RELB: variants seen among roughly 807,000 people sequenced by gnomAD.
RELB encodes transcription factor RelB.
In RELB, 14 loss-of-function variants were observed where a neutral mutation model predicts 55.4. The ratio of observed to expected loss-of-function variants is 0.25; its 90% CI spans 0.17 to 0.40. The LOEUF (loss-of-function observed/expected upper bound fraction) is 0.40. RELB is among the 10% of genes least tolerant of loss of function. The pLI, the probability that RELB is intolerant of heterozygous loss-of-function variation, is 1.00. For missense variants in RELB, 669 were observed against 830.7 expected (o/e 0.81, Z 2.39); for synonymous variants, 409 against 371.3 (o/e 1.10, Z -1.17).
chr19:45,020,325 G>A (rs4803791), intron 4 of RELB, among the ~76,000 whole-genome samples: 43,603 of 150,698 alleles, frequency 0.29, 6,745 homozygotes, highest in East Asian at 0.42. Context: ...TCAGGCTTAA[G>A]TGATCCTCCC....
intron 11 of RELB, 72 bp from the exon 12 acceptor site, chr19:45,037,333 G>A: frequency 1.4e-6 from 2 of 1,428,194 alleles, no homozygotes; most frequent in Non-Finnish European, 1.8e-6. Context: ...AGGGAGTAGG[G>A]CATTTGATTT....
chr19:45,030,900 T>G lies in RELB; in HGVS notation c.992-1634T>G, dbSNP rs574936657. Among the ~76,000 whole-genome samples, 3 of 152,314 alleles carry G rather than the reference T, an allele frequency of 2.0e-5. No individual in the cohort carries two copies. The East Asian group carries it at 5.8e-4, about 29-fold the overall frequency. On this transcript the variant is annotated intron_variant, in intron 8 of 11. Transcript: ENST00000221452. Reference sequence around the variant, plus strand: ...TGAAGAGTTCTAGCCTTCCTGGGTTTCCATCTTGGCTCTAACACTTGCCAG... The same window carrying G: ...TGAAGAGTTCTAGCCTTCCTGGGTTGCCATCTTGGCTCTAACACTTGCCAG...
chr19:45,007,612 C>A (rs567845134), intron 2 of RELB, among the ~76,000 whole-genome samples: 1 of 152,116 alleles, frequency 6.6e-6, no homozygotes, highest in African/African-American at 2.4e-5. Context: ...AATCCCAGCA[C>A]TTTGGGAGGC....
intron 4 of RELB, among the ~76,000 whole-genome samples, chr19:45,020,206 A>G (rs1971466728): frequency 6.6e-6 from 1 of 150,984 alleles, no homozygotes; most frequent in Admixed American, 6.6e-5. Flanking sequence ...TACATGATTT[A>G]TTCTCTTTCT....
At chr19:45,015,395 A>G (rs1487746184) in intron 4 of RELB, among the ~76,000 whole-genome samples, 1 of 152,078 alleles carries the variant, frequency 6.6e-6, no homozygotes, top group Non-Finnish European at 1.5e-5. Context: ...TATCTTGTAG[A>G]TGGCCAGTGG....
At chr19:45,019,120 T>A (rs1048650060) in intron 4 of RELB, among the ~76,000 whole-genome samples, 1 of 152,146 alleles carries the variant, frequency 6.6e-6, no homozygotes, top group Non-Finnish European at 1.5e-5. Flanking sequence ...TGGAATACAG[T>A]GACGCCATCA....
chr19:45,033,743 G>C (rs910441947), intron 9 of RELB, among the ~76,000 whole-genome samples: 1 of 150,504 alleles, frequency 6.6e-6, no homozygotes, highest in Non-Finnish European at 1.5e-5. Flanking sequence ...GGGTTTCGCC[G>C]TGTTGGTCAG....
At chr19:45,025,294 C>G in intron 5 of RELB, 35 bp from the exon 6 acceptor site, 1 of 1,494,730 alleles carries the variant, frequency 6.7e-7, no homozygotes, top group Non-Finnish European at 9.2e-7. Context: ...TGCCTGCTCA[C>G]GAGCACTCCT....
In RELB at chr19:45,037,547, C is replaced by T; in HGVS notation, c.1497C>T (p.Phe499=). The change falls in exon 12 of 12, where the codon TTC becomes TTT. Residue 499 remains phenylalanine, a synonymous_variant. Transcript: ENST00000221452. The part of the protein sequence containing the change: ...FAYDPTAPTL[F]TMLDLLPPAP... Reference sequence around the variant, plus strand: ...ACGACCCTACGGCCCCCACACTCTTCACCATGCTGGACCTGCTGCCCCCGG... The same window carrying T: ...ACGACCCTACGGCCCCCACACTCTTTACCATGCTGGACCTGCTGCCCCCGG... The T allele has an allele frequency of 6.2e-7, 1 of 1,613,388 alleles. No homozygotes were observed.
rs757625998 is a variant in RELB at position 45,032,601 on chromosome 19, G to C, written c.1059G>C (p.Val353=). 1.9e-6 allele frequency: 3 copies of C among 1,613,592 alleles called. No homozygotes were observed. In the South Asian group the frequency reaches 3.3e-5, roughly 18 times the overall value. Residue 353 remains valine, a synonymous_variant, in exon 9 of 12, where the codon GTG becomes GTC. Transcript: ENST00000221452. The part of the protein sequence containing the change: ...EGRADFSQAD[V]HRQIAIVFKT... Reference sequence around the variant, plus strand: ...GGGCTGACTTCTCCCAGGCCGACGTGCACCGCCAGATTGCCATTGTGTTCA... The same window carrying C: ...GGGCTGACTTCTCCCAGGCCGACGTCCACCGCCAGATTGCCATTGTGTTCA...
At chr19:45,023,161 A>G (rs985722189) in intron 5 of RELB, among the ~76,000 whole-genome samples, 6 of 152,164 alleles carry the variant, frequency 3.9e-5, no homozygotes, top group African/African-American at 1.4e-4. Context: ...TCCCTGCTGT[A>G]TTCCGAGTGT....
At chr19:45,006,758 C>G (rs763190815) in intron 2 of RELB, among the ~76,000 whole-genome samples, 11 of 151,142 alleles carry the variant, frequency 7.3e-5, no homozygotes, top group Non-Finnish European at 1.5e-4. Context: ...GTCAGGAGTT[C>G]AAGACCAGCC....
At chr19:45,036,573 C>T (rs1331942246) in intron 11 of RELB, among the ~76,000 whole-genome samples, 2 of 152,166 alleles carry the variant, frequency 1.3e-5, no homozygotes, top group Non-Finnish European at 2.9e-5. Context: ...TCTCCTTTCT[C>T]ACTCTCAGGG....
chr19:45,006,247 T>G (rs1458212077), intron 2 of RELB, among the ~76,000 whole-genome samples: 7 of 152,104 alleles, frequency 4.6e-5, no homozygotes, highest in South Asian at 2.1e-4. Flanking sequence ...TTCTGTCGCC[T>G]ACACTGGAGT....
At chr19:45,029,891 C>T (rs1157886334) in intron 8 of RELB, among the ~76,000 whole-genome samples, 1 of 151,812 alleles carries the variant, frequency 6.6e-6, no homozygotes, top group East Asian at 1.9e-4. Context: ...GACAGCTGGG[C>T]ACAGCAGCTC....
intron 4 of RELB, among the ~76,000 whole-genome samples, chr19:45,020,927 C>A (rs543657267): frequency 6.6e-6 from 1 of 152,092 alleles, no homozygotes; most frequent in African/African-American, 2.4e-5. Context: ...GTCATCCCAG[C>A]GCTTTAGGAG....
intron 4 of RELB, among the ~76,000 whole-genome samples, chr19:45,015,746 A>G (rs1285922456): frequency 8.2e-6 from 1 of 121,918 alleles, no homozygotes; most frequent in Admixed American, 8.7e-5. Flanking sequence ...AAAAAAAAAA[A>G]GAAAAAAGAA....
chr19:45,032,575 C>T lies in RELB; in HGVS notation c.1033C>T (p.Arg345Trp), dbSNP rs1971637134. ...VVFSRASWEG[R>W]ADFSQADVHR... Reference sequence around the variant, plus strand: ...GTTCAGCAGGGCCTCCTGGGAAGGTCGGGCTGACTTCTCCCAGGCCGACGT... The same window carrying T: ...GTTCAGCAGGGCCTCCTGGGAAGGTTGGGCTGACTTCTCCCAGGCCGACGT... The change falls in exon 9 of 12, where the codon CGG becomes TGG. Residue 345 changes from arginine (R) to tryptophan (W), a missense_variant. Physicochemically the swap from Arg to Trp is moderately radical, Grantham distance 101 (BLOSUM62 -3). Transcript: ENST00000221452. The T allele has an allele frequency of 1.9e-6, 3 of 1,613,502 alleles. No individual in the cohort carries two copies. The highest frequency in any genetic ancestry group is 1.1e-5 in the South Asian group (1 of 90,908).
At chr19:45,021,958 A>G in intron 4 of RELB, 95 bp from the exon 5 acceptor site, 1 of 1,230,624 alleles carries the variant, frequency 8.1e-7, no homozygotes, top group Non-Finnish European at 1.1e-6. Context: ...CCTAGTGGGG[A>G]GAGGATTGGG....
Sources: gnomAD v4.1 joint callset for allele counts (sites outside exome capture counted in the v4.1 genomes callset) on GRCh38, gnomAD v4.1.1 for gene constraint, MANE v1.5 for transcripts, NCBI Gene and HGNC (gene_info 2026-07-23, HGNC 2026-07-21) for gene names.